Variants in DRC1 observed in about 807,000 individuals in gnomAD.
DRC1 encodes the protein dynein regulatory complex protein 1.
Under a neutral mutation model 98.7 loss-of-function variants are expected in DRC1, and 74 were observed. The observed-to-expected ratio is 0.75, with a 90% confidence interval of 0.62 to 0.91. DRC1 has a LOEUF of 0.91. DRC1 is among the 40% of genes least tolerant of loss of function. DRC1 has a pLI of 0.00. For synonymous variants in DRC1, 336 were observed against 334.1 expected, an observed-to-expected ratio of 1.01 and a Z score of -0.06; for missense variants, 875 against 886.0, an observed-to-expected ratio of 0.99 and a Z score of 0.16.
chr2:26,449,025 C>A (rs1215766969), intron 11 of DRC1, among the ~76,000 whole-genome samples: 1 of 152,270 alleles, frequency 6.6e-6, no homozygotes, highest in Non-Finnish European at 1.5e-5. Flanking sequence ...ATGGGTCTAA[C>A]CTTGGTTGGC....
chr2:26,439,302 A>T (rs1369090563), intron 7 of DRC1, among the ~76,000 whole-genome samples: 1 of 152,106 alleles, frequency 6.6e-6, no homozygotes, highest in African/African-American at 2.4e-5. Flanking sequence ...TGGTCCCTCA[A>T]GACCAAGGAC....
At position 26,424,373 on chromosome 2, in the gene DRC1, G is replaced by A; in HGVS notation, c.459G>A (p.Leu153=). 1 of 1,613,964 alleles carries A rather than the reference G, an allele frequency of 6.2e-7. No homozygotes were observed. Among genetic ancestry groups the A allele is most frequent in the Non-Finnish European group, 8.5e-7 (1 of 1,179,998 alleles). The change falls in exon 4 of 17, where the codon CTG becomes CTA. Residue 153 remains leucine, a synonymous_variant. Transcript: ENST00000288710. Reference sequence around the variant, plus strand: ...AGCAGAAGAGAATTCCCCAAGAGCTGTGGGAAATGCTCAATACCCAACAGC... The same window carrying A: ...AGCAGAAGAGAATTCCCCAAGAGCTATGGGAAATGCTCAATACCCAACAGC... ...EGKQKRIPQE[L]WEMLNTQQLH... is the part of the protein sequence containing the mutation.
chr2:26,448,425 G>T (rs1663914343), intron 10 of DRC1: 2 of 608,428 alleles, frequency 3.3e-6, no homozygotes, highest in African/African-American at 1.8e-5. Flanking sequence ...ATGTTTCCAG[G>T]TAGACGCAAT....
At chr2:26,425,828 A>G (rs1015971547) in intron 4 of DRC1, among the ~76,000 whole-genome samples, 7 of 151,460 alleles carry the variant, frequency 4.6e-5, no homozygotes, top group Admixed American at 3.9e-4. Context: ...CAGATATATG[A>G]TTTTCAATTA....
At chr2:26,420,766 C>CTTT (rs749876428) in intron 2 of DRC1, among the ~76,000 whole-genome samples, 9 of 68,966 alleles carry the variant, frequency 1.3e-4, no homozygotes, top group African/African-American at 2.6e-4. Context: ...TTTTCTTCTT[C>CTTT]TTTTTTTTTT....
intron 8 of DRC1, among the ~76,000 whole-genome samples, chr2:26,441,832 T>C (rs866733062): frequency 1.3e-5 from 2 of 151,974 alleles, no homozygotes; most frequent in South Asian, 2.1e-4. Context: ...TCCCTCAGCC[T>C]GAAAAACCCT....
At position 26,439,090 on chromosome 2, in the gene DRC1, C is replaced by G. The variant is rs1663645764; in HGVS notation, c.889-1288C>G. On this transcript the variant is annotated intron_variant, in intron 7 of 16. Transcript: ENST00000288710. ...CCTAGCTTGGGAAGGCTCTGCTGCT[C>G]TGTCAGCCTCATTTCTGACCATTCC... Among the ~76,000 whole-genome samples, 4 of 152,318 alleles carry G rather than the reference C, an allele frequency of 2.6e-5. No homozygotes were observed. The East Asian group carries it at 7.7e-4, about 29-fold the overall frequency.
chr2:26,449,370 G>A (rs1399107021), intron 11 of DRC1, among the ~76,000 whole-genome samples: 1 of 152,254 alleles, frequency 6.6e-6, no homozygotes. Context: ...AGTGAGGGCA[G>A]TTGCCTTTGG....
chr2:26,430,982 A>C, intron 6 of DRC1, 110 bp downstream of exon 6: 1 of 728,858 alleles, frequency 1.4e-6, no homozygotes, highest in Non-Finnish European at 2.0e-6. Flanking sequence ...TTTTTTTGAG[A>C]TGGAATCTTG....
chr2:26,414,968 C>T (rs1678749047), intron 2 of DRC1, among the ~76,000 whole-genome samples: 1 of 152,192 alleles, frequency 6.6e-6, no homozygotes. Context: ...CCAGCCTGAG[C>T]TCCCTTTCTC....
At chr2:26,406,639 G>C (rs1678437168) in intron 1 of DRC1, among the ~76,000 whole-genome samples, 1 of 152,020 alleles carries the variant, frequency 6.6e-6, no homozygotes, top group South Asian at 2.1e-4. Context: ...TGAACACCGG[G>C]AGGTGGAGGT....
rs1370644130 is a variant in DRC1, at chr2:26,448,771, A to G, written c.1477A>G (p.Lys493Glu). ...GAAGCAAATTTCTGAAAAAACTACC[A>G]AGAGGATCCTGATGCTCCTGTGTGA... ...LPKQISEKTTKRILMLLCDES... is the reference protein window; with the variant it reads ...LPKQISEKTTERILMLLCDES... The change falls in exon 11 of 17, where the codon AAG (lysine) becomes GAG (glutamate). Residue 493 changes from lysine to glutamate, a missense_variant. Lys to Glu is a moderately conservative substitution (Grantham distance 56). Transcript: ENST00000288710. The G allele has an allele frequency of 6.2e-7, 1 of 1,614,192 alleles. No homozygotes were observed. The highest frequency in any genetic ancestry group is 1.7e-5 in the Admixed American group (1 of 60,030).
chr2:26,448,816 G>C lies in DRC1; in HGVS notation c.1509+13G>C. ...GTGTGACGAGTCGGTGAGGCCAGGC[G>C]GGGGCTGCAGCAGAGGGACTCACGG... On this transcript the variant is annotated intron_variant, in intron 11 of 16. Coordinates refer to ENST00000288710, the MANE Select transcript of DRC1 (RefSeq NM_145038.5). The C allele has an allele frequency of 6.2e-7, 1 of 1,612,910 alleles. No individual in the cohort carries two copies.
chr2:26,431,849 T>C (rs749803822), intron 6 of DRC1, 35 bp from the exon 7 acceptor site: 1 of 1,611,626 alleles, frequency 6.2e-7, no homozygotes, highest in Non-Finnish European at 8.5e-7. Flanking sequence ...GCAAGGATGG[T>C]CCCTAACTTT....
At chr2:26,451,170 C>G (rs2148005526) in intron 13 of DRC1, among the ~76,000 whole-genome samples, 1 of 152,220 alleles carries the variant, frequency 6.6e-6, no homozygotes, top group Non-Finnish European at 1.5e-5. Flanking sequence ...ATCAATTTGT[C>G]TCTTTGTAAA....
intron 7 of DRC1, among the ~76,000 whole-genome samples, chr2:26,439,899 A>ATTT (rs1663665776): frequency 7.0e-6 from 1 of 142,314 alleles, no homozygotes; most frequent in Non-Finnish European, 1.5e-5. Flanking sequence ...AGAGGCCCAC[A>ATTT]AGCTAGGGCC....
At chr2:26,447,858 C>T (rs924900267) in intron 10 of DRC1, among the ~76,000 whole-genome samples, 17 of 151,710 alleles carry the variant, frequency 1.1e-4, no homozygotes, top group African/African-American at 2.9e-4. Flanking sequence ...TGAGCCACCA[C>T]GCCTGGCCTA....
chr2:26,444,948 G>A lies in DRC1; in HGVS notation c.1396G>A (p.Glu466Lys). The A allele has an allele frequency of 6.2e-7, 1 of 1,613,864 alleles. No individual in the cohort carries two copies. The highest frequency in any genetic ancestry group is 8.5e-7 in the Non-Finnish European group (1 of 1,179,936). ...AGTAGAAGAAATGCTTATGCGCTCA[G>A]GTGACTAGAACACTGTCATAGAGCC... ...QIVEEMLMRS[E>K]EEEAEEAAAE... The change falls in exon 10 of 17, where the codon GAA (glutamate) becomes AAA (lysine). Residue 466 changes from glutamate (E) to lysine (K), a missense_variant and splice_region_variant. Glu to Lys is a moderately conservative substitution (Grantham distance 56). Transcript: ENST00000288710.
chr2:26,453,183 T>TCA, intron 13 of DRC1, 137 bp from the exon 14 acceptor site: 1 of 977,700 alleles, frequency 1.0e-6, no homozygotes, highest in Middle Eastern at 2.8e-4. Context: ...TTCTCCTGTT[T>TCA]CTGTCCCTGT....
Sources: gnomAD v4.1 joint callset for allele counts (sites outside exome capture counted in the v4.1 genomes callset) on GRCh38, gnomAD v4.1.1 for gene constraint, MANE v1.5 for transcripts, NCBI Gene and HGNC (gene_info 2026-07-23, HGNC 2026-07-21) for gene names.